ZNF445: variants seen among roughly 807,000 people sequenced by gnomAD.
ZNF445 encodes zinc finger protein 168.
A neutral mutation model predicts 93.9 loss-of-function variants in ZNF445; 19 were observed. The ratio of observed to expected loss-of-function variants is 0.20; its 90% CI spans 0.14 to 0.30. ZNF445 has a LOEUF of 0.30. Among genes scored for constraint, ZNF445 ranks in the 10% least tolerant of loss-of-function variants. The probability of loss-of-function intolerance (pLI) is 1.00; values close to 1 mark genes in which losing one functional copy is unlikely to be tolerated. For missense variants in ZNF445, 1,058 were observed against 1,259.4 expected, an observed-to-expected ratio of 0.84 and a Z score of 2.42; for synonymous variants, 449 against 446.3, an observed-to-expected ratio of 1.01 and a Z score of -0.08.
chr3:44,461,354 G>A (rs1331558875), intron 1 of ZNF445, among the ~76,000 whole-genome samples: 1 of 141,048 alleles, frequency 7.1e-6, no homozygotes, highest in Non-Finnish European at 1.6e-5. Flanking sequence ...AGATTTCGAG[G>A]AGGTTTCTCA....
rs896300640 is a variant in ZNF445 at position 44,441,703 on chromosome 3, C to T, written c.*4872G>A. The T allele has an allele frequency of 2.6e-5, 4 of 152,168 alleles. No homozygotes were observed. Among genetic ancestry groups the T allele is most frequent in the East Asian group, 1.9e-4 (1 of 5,192 alleles). 9.4% of individuals were successfully genotyped at this position (152,168 alleles called of 1,614,324 possible). On this transcript the variant is annotated 3_prime_UTR_variant, in exon 8 of 8. Transcript: ENST00000396077. ...GCAAACAGTTAAAAAGTACCCACCA[C>T]ACTACCCTGTAAAAATCTTAACATT...
chr3:44,433,041 AG>A lies in ZNF445; in HGVS notation c.*13533del, dbSNP rs912190077. 10 of 152,270 alleles carry A rather than the reference AG, an allele frequency of 6.6e-5. No homozygotes were observed. Among genetic ancestry groups the A allele is most frequent in the African/African-American group, 2.4e-4 (10 of 41,556 alleles). 9.4% of individuals were successfully genotyped at this position (152,270 alleles called of 1,614,324 possible). Reference sequence around the variant, plus strand: ...CCAGCTTTGCAACATCCTAACAAGGAGACGGGAAACTGAAGTACCACAGGAA... The same window carrying A: ...CCAGCTTTGCAACATCCTAACAAGGAACGGGAAACTGAAGTACCACAGGAA... On this transcript the variant is annotated 3_prime_UTR_variant, in exon 8 of 8. Transcript: ENST00000396077.
In ZNF445 at chr3:44,455,417, T is replaced by C. The variant is rs1348039081; in HGVS notation, c.133A>G (p.Thr45Ala). ...YTPVQAARPQ[T>A]LNRPGQELFR... is the part of the protein sequence containing the mutation. ...AGCTCCTGGCCAGGGCGGTTGAGAG[T>C]CTGTGGCCTGGCAGCCTGCACTGGA... Residue 45 changes from threonine (T) to alanine (A), a missense_variant, in exon 3 of 8, where the codon ACT becomes GCT. Physicochemically the swap from Thr to Ala is moderately conservative, Grantham distance 58. This residue lies in a region of ZNF445 where 657 missense variants were observed against 746.4 expected (regional missense o/e 0.88). Transcript: ENST00000396077. 6.2e-7 allele frequency: 1 copy of C among 1,614,088 alleles called. No individual in the cohort carries two copies. The highest frequency in any genetic ancestry group is 1.3e-5 in the African/African-American group (1 of 75,002).
chr3:44,448,048 A>G lies in ZNF445; in HGVS notation c.1623T>C (p.Tyr541=). The change falls in exon 8 of 8, where the codon TAT becomes TAC. Residue 541 remains tyrosine, a synonymous_variant. Transcript: ENST00000396077. ...HEKIHTGVKP[Y]KCDLCEKAFR... ...AAGCTTTCTCACATAAATCGCATTT[A>G]TAAGGCTTCACTCCAGTGTGAATTT... 6.2e-7 allele frequency: 1 copy of G among 1,612,080 alleles called. No individual in the cohort carries two copies. The highest frequency in any genetic ancestry group is 8.5e-7 in the Non-Finnish European group (1 of 1,180,028).
chr3:44,472,491 G>A (rs570834507), intron 1 of ZNF445, among the ~76,000 whole-genome samples: 1 of 152,158 alleles, frequency 6.6e-6, no homozygotes. Context: ...GATTACAGGC[G>A]CATGCCACCT....
At chr3:44,475,794 T>C (rs534405477) in intron 1 of ZNF445, among the ~76,000 whole-genome samples, 1 of 150,752 alleles carries the variant, frequency 6.6e-6, no homozygotes, top group East Asian at 2.0e-4. Flanking sequence ...AGGTCGGGAG[T>C]TCGAGACCAG....
In ZNF445 at chr3:44,447,534, C is replaced by T. The variant is rs758540811; in HGVS notation, c.2137G>A (p.Asp713Asn). The change falls in exon 8 of 8, where the codon GAT (aspartate) becomes AAT (asparagine). Residue 713 changes from aspartate (D) to asparagine (N), a missense_variant. Physicochemically the swap from Asp to Asn is conservative, Grantham distance 23 (BLOSUM62 1). Transcript: ENST00000396077. The surrounding 1 kb of genome is among the most constrained non-coding windows in gnomAD (Gnocchi z 4.7). ...HTGEKPYQCSDCGKDFAYRSA... is the reference protein window; with the variant it reads ...HTGEKPYQCSNCGKDFAYRSA... ...CTATAGGCAAAGTCCTTCCCACAAT[C>T]GCTACACTGGTAAGGTTTCTCACCT... 3.1e-6 allele frequency: 5 copies of T among 1,614,046 alleles called. No homozygotes were observed. The African/African-American group carries it at 4.0e-5, about 13-fold the overall frequency.
rs756882636 is a variant in ZNF445, at chr3:44,455,078, G to A, written c.429+43C>T. On this transcript the variant is annotated intron_variant, in intron 3 of 7. Transcript: ENST00000396077. ...CATCCCCAGACAAGCTGGCTCACTA[G>A]CAGGCAGAGTTCCCTGGGCACCACA... is the stretch of plus-strand genomic sequence containing the variant. 8.1e-6 allele frequency: 13 copies of A among 1,612,380 alleles called. No homozygotes were observed. In the South Asian group the frequency reaches 1.3e-4, roughly 16 times the overall value.
rs1312428968 is a variant in ZNF445, at chr3:44,440,150, T to C, written c.*6425A>G. The stretch of plus-strand genomic sequence containing the variant: ...TTTTCTTCTTGCCTTTTTAGCTACT[T>C]AAATATAGTACACTTCTTTATAAGG... On this transcript the variant is annotated 3_prime_UTR_variant, in exon 8 of 8. Transcript: ENST00000396077. 1 of 152,230 alleles carries C rather than the reference T, an allele frequency of 6.6e-6. No individual in the cohort carries two copies. Among genetic ancestry groups the C allele is most frequent in the Non-Finnish European group, 1.5e-5 (1 of 68,042 alleles). 9.4% of individuals were successfully genotyped at this position (152,230 alleles called of 1,614,324 possible). A position where few individuals can be genotyped will look rare whatever the true frequency, so the allele number is the denominator to read the frequency against.
chr3:44,466,175 CT>C (rs1418234069), intron 1 of ZNF445, among the ~76,000 whole-genome samples: 1 of 151,946 alleles, frequency 6.6e-6, no homozygotes, highest in Admixed American at 6.6e-5. Context: ...AAAGGTTTTT[CT>C]TTTTTAAAAA....
At chr3:44,474,773 A>G (rs749155798) in intron 1 of ZNF445, among the ~76,000 whole-genome samples, 4 of 152,222 alleles carry the variant, frequency 2.6e-5, no homozygotes, top group African/African-American at 4.8e-5. Context: ...AATCCAAGAT[A>G]GCAACTTGAG....
chr3:44,432,974 G>T lies in ZNF445; in HGVS notation c.*13601C>A, dbSNP rs1320133198. On this transcript the variant is annotated 3_prime_UTR_variant, in exon 8 of 8. Transcript: ENST00000396077. ...CCTGCAGTAGGTTCATTTTCAGGTG[G>T]AAGTGTAGGAAGCACAGGAGATCAC... 6.6e-6 allele frequency: 1 copy of T among 152,128 alleles called. No individual in the cohort carries two copies. Among genetic ancestry groups the T allele is most frequent in the African/African-American group, 2.4e-5 (1 of 41,416 alleles). The allele number at this position is 152,128 out of a possible 1,614,324, so 9.4% of individuals were successfully genotyped here. A position where few individuals can be genotyped will look rare whatever the true frequency, so the allele number is the denominator to read the frequency against.
At chr3:44,452,197 T>A (rs889492376) in intron 3 of ZNF445, among the ~76,000 whole-genome samples, 10 of 152,186 alleles carry the variant, frequency 6.6e-5, no homozygotes, top group Non-Finnish European at 1.3e-4. Context: ...AACTACAATT[T>A]GAGATTTTCT....
In ZNF445 at chr3:44,450,440, T is replaced by C. The variant is rs1697941616; in HGVS notation, c.820+7A>G. 6.2e-7 allele frequency: 1 copy of C among 1,614,110 alleles called. No individual in the cohort carries two copies. The highest frequency in any genetic ancestry group is 8.5e-7 in the Non-Finnish European group (1 of 1,180,010). ...TGGATAGAAGCATGAGGATATCGAT[T>C]ACTTACCCAGGGAAGCCATGTTCCT... On this transcript the variant is annotated splice_region_variant and intron_variant, in intron 6 of 7. Transcript: ENST00000396077.
chr3:44,461,393 G>A (rs1698112816), intron 1 of ZNF445, among the ~76,000 whole-genome samples: 2 of 152,204 alleles, frequency 1.3e-5, no homozygotes, highest in South Asian at 2.1e-4. Flanking sequence ...AGCTTGGTTA[G>A]GGATCTGATT....
chr3:44,475,147 A>G (rs150285669), intron 1 of ZNF445, among the ~76,000 whole-genome samples: 46 of 152,220 alleles, frequency 3.0e-4, no homozygotes, highest in East Asian at 2.7e-3. Context: ...AGTTCCAGTC[A>G]TTCAGTCATC....
Position 44,448,544 on chromosome 3 carries a change from T to C in ZNF445, c.1127A>G (p.Glu376Gly). Residue 376 changes from glutamate (E) to glycine (G), a missense_variant, in exon 8 of 8, where the codon GAA (glutamate) becomes GGA (glycine). This residue lies in a region of ZNF445 where 657 missense variants were observed against 746.4 expected (regional missense o/e 0.88). Coordinates refer to ENST00000396077, the MANE Select transcript of ZNF445 (RefSeq NM_181489.6). Reference protein sequence around the residue: ...ENPIQVRVKKEETNFSHRTGK... With the variant: ...ENPIQVRVKKGETNFSHRTGK... ...TGTCCTGTGACTGAAATTGGTCTCTTCTTTCTTAACTCTTACTTGTATGGG... is the reference window on the plus strand; with the variant it reads ...TGTCCTGTGACTGAAATTGGTCTCTCCTTTCTTAACTCTTACTTGTATGGG... 1 of 1,614,158 alleles carries C rather than the reference T, an allele frequency of 6.2e-7. No individual in the cohort carries two copies. The highest frequency in any genetic ancestry group is 8.5e-7 in the Non-Finnish European group (1 of 1,180,042).
chr3:44,463,540 T>A (rs1193770636), intron 1 of ZNF445, among the ~76,000 whole-genome samples: 3 of 152,218 alleles, frequency 2.0e-5, no homozygotes, highest in Non-Finnish European at 4.4e-5. Flanking sequence ...CTGTTTTGCG[T>A]TGTGTTATCT....
chr3:44,473,490 C>CACACACACACACACAAAA (rs774842477), intron 1 of ZNF445, among the ~76,000 whole-genome samples: 17 of 56,926 alleles, frequency 3.0e-4, no homozygotes, highest in African/African-American at 6.5e-4. Context: ...CACACACACA[C>CACACACACACACACAAAA]AAAAAATGCT....
Sources: gnomAD v4.1 joint callset for allele counts (sites outside exome capture counted in the v4.1 genomes callset) on GRCh38, gnomAD v4.1.1 for gene constraint, gnomAD v4.1.1 regional missense constraint, Gnocchi (gnomAD v3.1) non-coding constraint, MANE v1.5 for transcripts, NCBI Gene and HGNC (gene_info 2026-07-23, HGNC 2026-07-21) for gene names.